The following CORO1C variants were observed in gnomAD, a reference collection of about 807,000 sequenced individuals.
CORO1C encodes the protein coronin-1C.
In CORO1C, 14 loss-of-function variants were observed where a neutral mutation model predicts 51.2. That is an observed-to-expected ratio of 0.27 (90% confidence interval 0.18 to 0.43). CORO1C has a LOEUF of 0.43. Among genes scored for constraint, CORO1C ranks in the 20% least tolerant of loss-of-function variants. The pLI, the probability that CORO1C is intolerant of heterozygous loss-of-function variation, is 1.00. For missense variants in CORO1C, 417 were observed against 607.8 expected (o/e 0.69, Z 3.30); for synonymous variants, 181 against 210.5 (o/e 0.86, Z 1.21).
intron 4 of CORO1C, among the ~76,000 whole-genome samples, chr12:108,660,839 TA>T (rs1384022136): frequency 6.6e-6 from 1 of 152,200 alleles, no homozygotes; most frequent in Non-Finnish European, 1.5e-5. Flanking sequence ...ATGGTGATTA[TA>T]AAAAACATGG....
At chr12:108,657,762 A>G (rs976063731) in intron 5 of CORO1C, among the ~76,000 whole-genome samples, 1 of 152,270 alleles carries the variant, frequency 6.6e-6, no homozygotes, top group Non-Finnish European at 1.5e-5. Flanking sequence ...GGATAATAAC[A>G]TAAGGAGATT....
At chr12:108,699,403 T>C (rs2034794318) in intron 2 of CORO1C, among the ~76,000 whole-genome samples, 1 of 152,208 alleles carries the variant, frequency 6.6e-6, no homozygotes, top group African/African-American at 2.4e-5. Context: ...TATGTCTATT[T>C]TGTGCTTCTT....
chr12:108,718,169 C>T (rs1246482941), intron 1 of CORO1C, among the ~76,000 whole-genome samples: 20 of 152,156 alleles, frequency 1.3e-4, no homozygotes, highest in African/African-American at 3.6e-4. Flanking sequence ...CTGGCTAACA[C>T]GTTAAAACCC....
At chr12:108,714,633 A>G (rs948016726) in intron 1 of CORO1C, among the ~76,000 whole-genome samples, 3 of 151,590 alleles carry the variant, frequency 2.0e-5, no homozygotes, top group African/African-American at 7.3e-5. Flanking sequence ...ATGATGGCGC[A>G]TGCCTGTGGT....
chr12:108,704,912 C>T (rs1159454947), intron 1 of CORO1C, among the ~76,000 whole-genome samples: 1 of 152,062 alleles, frequency 6.6e-6, no homozygotes, highest in African/African-American at 2.4e-5. Context: ...AATTCTCTAT[C>T]CAAAAATGGG....
chr12:108,705,066 C>T (rs2034988310), intron 1 of CORO1C, among the ~76,000 whole-genome samples: 1 of 152,182 alleles, frequency 6.6e-6, no homozygotes, highest in Admixed American at 6.5e-5. Context: ...CTATTGTCAT[C>T]CTAGTAACTG....
intron 3 of CORO1C, among the ~76,000 whole-genome samples, chr12:108,674,535 G>C (rs946508826): frequency 6.8e-6 from 1 of 146,726 alleles, no homozygotes; most frequent in Non-Finnish European, 1.5e-5. Flanking sequence ...GCGACAGAGC[G>C]AGACTCCGTC....
chr12:108,649,297 G>C, intron 8 of CORO1C: 1 of 483,260 alleles, frequency 2.1e-6, no homozygotes, highest in East Asian at 3.7e-5. Context: ...AATTATCTGG[G>C]GGACAGACCA....
At chr12:108,663,326 A>C (rs569621211) in intron 3 of CORO1C, among the ~76,000 whole-genome samples, 1 of 152,390 alleles carries the variant, frequency 6.6e-6, no homozygotes, top group South Asian at 2.1e-4. Flanking sequence ...TTCCACTCCT[A>C]GGGATATACC....
chr12:108,654,684 C>G (rs1464514590), intron 6 of CORO1C, among the ~76,000 whole-genome samples: 1 of 151,930 alleles, frequency 6.6e-6, no homozygotes, highest in Non-Finnish European at 1.5e-5. Context: ...AGCCCTTCTC[C>G]TTTGTTACTG....
Position 108,731,283 on chromosome 12 carries a change from G to A in CORO1C, c.-6+146C>T. The A allele has an allele frequency of 6.8e-6, 1 of 147,772 alleles. No homozygotes were observed. The allele number at this position is 147,772 out of a possible 1,614,324, so 9.2% of individuals were successfully genotyped here. A position where few individuals can be genotyped will look rare whatever the true frequency, so the allele number is the denominator to read the frequency against. ...AACCCAGCCCGTGAACCCGCGCCCC[G>A]CGCGCCCACCCAGCACTGTCCCCTC... On this transcript the variant is annotated intron_variant, in intron 1 of 10. Transcript: ENST00000261401. This position sits in a 1 kb window ranked among gnomAD's most constrained non-coding sequence, Gnocchi z 5.2.
At chr12:108,653,526 T>C (rs1021323500) in intron 7 of CORO1C, among the ~76,000 whole-genome samples, 1 of 152,218 alleles carries the variant, frequency 6.6e-6, no homozygotes, top group Non-Finnish European at 1.5e-5. Context: ...TCCACTGTTA[T>C]TAATTCATTT....
chr12:108,706,507 A>G (rs2035036380), intron 1 of CORO1C, among the ~76,000 whole-genome samples: 1 of 152,242 alleles, frequency 6.6e-6, no homozygotes, highest in African/African-American at 2.4e-5. Context: ...TGTGCTGAAG[A>G]CATGATCTTA....
At chr12:108,654,257 A>C in intron 7 of CORO1C, 49 bp downstream of exon 7, 1 of 1,178,806 alleles carries the variant, frequency 8.5e-7, no homozygotes. Context: ...TGAAGGATAA[A>C]TGTTTCCACT....
In CORO1C at chr12:108,647,409, T is replaced by G; in HGVS notation, c.1419A>C (p.Ala473=). 1 of 1,613,472 alleles carries G rather than the reference T, an allele frequency of 6.2e-7. No individual in the cohort carries two copies. The highest frequency in any genetic ancestry group is 1.3e-5 in the African/African-American group (1 of 75,014). The change falls in exon 11 of 11, where the codon GCA becomes GCC. Residue 473 remains alanine, a synonymous_variant. Coordinates refer to ENST00000261401, the MANE Select transcript of CORO1C (RefSeq NM_014325.4). ...AGGGGTGGGGGTGGGACCTTCAGGCTGCTATCTTTGCCATCTGCTGTTCTA... is the reference window on the plus strand; with the variant it reads ...AGGGGTGGGGGTGGGACCTTCAGGCGGCTATCTTTGCCATCTGCTGTTCTA... ...SKLEQQMAKI[A]A
At chr12:108,696,566 T>C (rs2034693535) in intron 2 of CORO1C, among the ~76,000 whole-genome samples, 1 of 152,184 alleles carries the variant, frequency 6.6e-6, no homozygotes, top group Non-Finnish European at 1.5e-5. Context: ...GCCAACGTGG[T>C]AGATTACACA....
intron 1 of CORO1C, among the ~76,000 whole-genome samples, chr12:108,704,426 C>T (rs535321973): frequency 6.6e-6 from 1 of 151,534 alleles, no homozygotes; most frequent in East Asian, 1.9e-4. Flanking sequence ...GAGCCAAGAT[C>T]GCACCACTGC....
intron 6 of CORO1C, among the ~76,000 whole-genome samples, chr12:108,655,619 T>A (rs2136802193): frequency 6.6e-6 from 1 of 152,368 alleles, no homozygotes; most frequent in East Asian, 1.9e-4. Flanking sequence ...TGACCACGAG[T>A]AATCCGCCAG....
intron 1 of CORO1C, among the ~76,000 whole-genome samples, chr12:108,716,572 G>A (rs1174108207): frequency 6.6e-6 from 1 of 152,146 alleles, no homozygotes; most frequent in Non-Finnish European, 1.5e-5. Flanking sequence ...GGAAGAGTAG[G>A]AAAATCTCTG....
Sources: gnomAD v4.1 joint callset for allele counts (sites outside exome capture counted in the v4.1 genomes callset) on GRCh38, gnomAD v4.1.1 for gene constraint, Gnocchi (gnomAD v3.1) non-coding constraint, MANE v1.5 for transcripts, NCBI Gene and HGNC (gene_info 2026-07-23, HGNC 2026-07-21) for gene names.